Variants in MRPL1 observed in about 807,000 individuals in gnomAD.
MRPL1 encodes large ribosomal subunit protein uL1m.
Under a neutral mutation model 38.0 loss-of-function variants are expected in MRPL1, and 28 were observed. The ratio of observed to expected loss-of-function variants is 0.74; its 90% CI spans 0.55 to 1.01. MRPL1 has a LOEUF of 1.01. Among genes scored for constraint, MRPL1 ranks in the 50% least tolerant of loss-of-function variants. MRPL1 has a pLI of 0.00. For missense variants in MRPL1, 358 were observed against 389.8 expected, an observed-to-expected ratio of 0.92 and a Z score of 0.69; for synonymous variants, 123 against 126.7, an observed-to-expected ratio of 0.97 and a Z score of 0.20.
chr4:77,915,264 T>TGA (rs903873733), intron 7 of MRPL1, among the ~76,000 whole-genome samples: 1 of 152,228 alleles, frequency 6.6e-6, no homozygotes, highest in Non-Finnish European at 1.5e-5. Flanking sequence ...GTCAGTTGAA[T>TGA]GATCTTTCTT....
intron 7 of MRPL1, among the ~76,000 whole-genome samples, chr4:77,912,195 A>G (rs1736305983): frequency 6.6e-6 from 1 of 152,202 alleles, no homozygotes; most frequent in Non-Finnish European, 1.5e-5. Flanking sequence ...AGACAAGGAC[A>G]TCCGTCTCAC....
intron 8 of MRPL1, among the ~76,000 whole-genome samples, chr4:77,951,108 G>C (rs1318446164): frequency 6.6e-6 from 1 of 152,220 alleles, no homozygotes; most frequent in African/African-American, 2.4e-5. Context: ...GACCTCAGGT[G>C]ATCCACCTAC....
chr4:77,930,061 C>A (rs949664759), intron 7 of MRPL1, among the ~76,000 whole-genome samples: 4 of 152,100 alleles, frequency 2.6e-5, no homozygotes, highest in Non-Finnish European at 5.9e-5. Flanking sequence ...TTTCGAAGTA[C>A]CATCAAACTA....
intron 7 of MRPL1, among the ~76,000 whole-genome samples, chr4:77,910,844 C>G (rs1250701602): frequency 6.6e-6 from 1 of 152,158 alleles, no homozygotes; most frequent in Non-Finnish European, 1.5e-5. Context: ...AGCTCAGCTC[C>G]AATTTATTTG....
chr4:77,913,581 T>C (rs1465411035), intron 7 of MRPL1, among the ~76,000 whole-genome samples: 1 of 152,156 alleles, frequency 6.6e-6, no homozygotes. Context: ...GGCAAACAAT[T>C]TGGCAGTTTC....
intron 6 of MRPL1, among the ~76,000 whole-genome samples, chr4:77,898,707 T>C (rs1735972470): frequency 6.6e-6 from 1 of 152,096 alleles, no homozygotes; most frequent in South Asian, 2.1e-4. Context: ...TTGGCCAGGC[T>C]GGTCTCAAAC....
chr4:77,914,226 G>A (rs1370402461), intron 7 of MRPL1, among the ~76,000 whole-genome samples: 3 of 152,100 alleles, frequency 2.0e-5, no homozygotes, highest in Non-Finnish European at 4.4e-5. Flanking sequence ...GAAACTACTT[G>A]CTGTATGATA....
chr4:77,897,307 GCCT>G (rs1735940214), intron 6 of MRPL1, among the ~76,000 whole-genome samples: 1 of 152,102 alleles, frequency 6.6e-6, no homozygotes. Context: ...GCCTGCTTCA[GCCT>G]CCTAAAGTGC....
At chr4:77,869,012 G>GTGTAGA (rs1735217590) in intron 1 of MRPL1, among the ~76,000 whole-genome samples, 2 of 152,236 alleles carry the variant, frequency 1.3e-5, no homozygotes, top group African/African-American at 2.4e-5. Flanking sequence ...AGAGGGCCAA[G>GTGTAGA]TGTAGAAGAC....
rs1170058247 is a variant in MRPL1 at position 77,880,015 on chromosome 4, CTG to C, written c.144-3225_144-3224del. On this transcript the variant is annotated intron_variant, in intron 2 of 8. Transcript: ENST00000315567. ...GGTTTTTGAGGTCTTTTTTAAAAAA[CTG>C]TTTTATTATCATCCATTTCTTTCAC... Among the ~76,000 whole-genome samples the C allele has an allele frequency of 2.6e-5, 4 of 152,244 alleles. 1 individual carries two copies. The South Asian group carries it at 6.2e-4, about 24-fold the overall frequency.
chr4:77,874,092 G>A (rs567237627), intron 2 of MRPL1, among the ~76,000 whole-genome samples: 13 of 150,952 alleles, frequency 8.6e-5, no homozygotes, highest in Non-Finnish European at 1.5e-4. Context: ...TCCACCTCCC[G>A]GGTTCAAATG....
At chr4:77,871,322 T>A (rs1376092501) in intron 1 of MRPL1, among the ~76,000 whole-genome samples, 1 of 147,598 alleles carries the variant, frequency 6.8e-6, no homozygotes, top group African/African-American at 2.6e-5. Context: ...TTTTTTTTTT[T>A]GAGATGGAGT....
chr4:77,899,867 G>C (rs147934969), intron 6 of MRPL1, among the ~76,000 whole-genome samples: 2,028 of 152,306 alleles, frequency 0.013, 13 homozygotes, highest in Middle Eastern at 0.037. Flanking sequence ...GTAAGGGATA[G>C]CAAAGCCCTA....
At chr4:77,883,186 T>TA (rs146792115) in intron 2 of MRPL1, 56 bp from the exon 3 acceptor site, 902 of 1,121,692 alleles carry the variant, frequency 8.0e-4, no homozygotes, top group Non-Finnish European at 1.0e-3. Flanking sequence ...GCTTTTTTTT[T>TA]AAAAAAAATC....
intron 1 of MRPL1, among the ~76,000 whole-genome samples, 153 bp from the exon 2 acceptor site, chr4:77,871,591 A>G (rs1217581310): frequency 6.6e-6 from 1 of 152,210 alleles, no homozygotes; most frequent in South Asian, 2.1e-4. Flanking sequence ...GGCATGAGAC[A>G]CTGTGCCTGG....
At chr4:77,905,770 A>G (rs928423191) in intron 6 of MRPL1, among the ~76,000 whole-genome samples, 8 of 152,186 alleles carry the variant, frequency 5.3e-5, no homozygotes, top group Non-Finnish European at 1.2e-4. Flanking sequence ...TCACTTTAGT[A>G]TGTTTTAATG....
chr4:77,933,399 C>A, intron 7 of MRPL1, among the ~76,000 whole-genome samples: 1 of 152,030 alleles, frequency 6.6e-6, no homozygotes. Flanking sequence ...TAAATAAAGC[C>A]CCAGCTTTCT....
rs34560176 is a variant in MRPL1, at chr4:77,864,000, GTTTTTTTT to G, written c.31+1133_31+1140del. Among the ~76,000 whole-genome samples the G allele has an allele frequency of 4.5e-3, 563 of 125,850 alleles. 4 individuals carry two copies. Among genetic ancestry groups the G allele is most frequent in the African/African-American group, 0.015 (537 of 34,920 alleles). The allele number at this position is 125,850 out of a possible 152,430, so 82.6% of individuals were successfully genotyped here. On this transcript the variant is annotated intron_variant, in intron 1 of 8. Transcript: ENST00000315567. ...CATGTATATTTAACACTGCATCACAGTTTTTTTTTTTTTTTTTTTGAGTTTCTTTTTAG... is the reference window on the plus strand; with the variant it reads ...CATGTATATTTAACACTGCATCACAGTTTTTTTTTTTGAGTTTCTTTTTAG...
At chr4:77,891,383 T>G (rs1735804784) in intron 5 of MRPL1, among the ~76,000 whole-genome samples, 1 of 150,656 alleles carries the variant, frequency 6.6e-6, no homozygotes, top group African/African-American at 2.4e-5. Context: ...TGAGACAGTG[T>G]GTCGTTGCAT....
Sources: allele counts gnomAD v4.1 joint callset (sites outside exome capture counted in the v4.1 genomes callset), GRCh38; gene constraint gnomAD v4.1.1; transcripts MANE v1.5; gene names NCBI Gene and HGNC (gene_info 2026-07-23, HGNC 2026-07-21).